Variants in DLG2 observed in about 807,000 individuals in gnomAD.
The protein encoded by DLG2 is discs large MAGUK scaffold protein 2, also known as disks large homolog 2.
DLG2 carries 45 observed loss-of-function variants against 132.5 expected under a neutral mutation model. The observed-to-expected ratio is 0.34, with a 90% CI of 0.27 to 0.44. The LOEUF (loss-of-function observed/expected upper bound fraction) is 0.44. DLG2 is among the 20% of genes least tolerant of loss of function. DLG2 has a pLI of 1.00. For missense variants in DLG2, 1,045 were observed against 1,196.9 expected (o/e 0.87, Z 1.87); for synonymous variants, 424 against 419.6 (o/e 1.01, Z -0.13).
At chr11:83,876,607 C>T (rs763601376) in intron 15 of DLG2, among the ~76,000 whole-genome samples, 1 of 152,040 alleles carries the variant, frequency 6.6e-6, no homozygotes, top group Non-Finnish European at 1.5e-5. Flanking sequence ...TAGGAGTCCT[C>T]TAAGGTAGAT....
chr11:85,587,911 A>C (rs1359876515), intron 3 of DLG2, among the ~76,000 whole-genome samples: 1 of 152,114 alleles, frequency 6.6e-6, no homozygotes, highest in Non-Finnish European at 1.5e-5. Context: ...TTCACTCAAC[A>C]TTTGTTTGTC....
rs191787429 is a variant in DLG2, at chr11:84,666,306, A to G, written c.358-131575T>C. Among the ~76,000 whole-genome samples, 193 of 152,280 alleles carry G rather than the reference A, an allele frequency of 1.3e-3. 1 individual carries two copies. The highest frequency in any genetic ancestry group is 4.5e-3 in the African/African-American group (185 of 41,568). ...TCTCAAAGTAAAAGAGAATTCTCCT[A>G]TCTAATAGCCTTCGAACTGGAACAT... On this transcript the variant is annotated intron_variant, in intron 6 of 27. Transcript: ENST00000376104.
intron 7 of DLG2, among the ~76,000 whole-genome samples, chr11:84,425,862 T>C (rs1315496665): frequency 2.6e-5 from 4 of 152,104 alleles, no homozygotes; most frequent in Admixed American, 2.6e-4. Context: ...CCAAAGTGAC[T>C]CCATTCAATT....
At chr11:85,154,128 T>C (rs2077436813) in intron 5 of DLG2, among the ~76,000 whole-genome samples, 1 of 141,706 alleles carries the variant, frequency 7.1e-6, no homozygotes. Flanking sequence ...CCCTCTCTTC[T>C]TTTGGAGAAA....
intron 6 of DLG2, among the ~76,000 whole-genome samples, chr11:85,056,585 A>T (rs138791160): frequency 1.0e-3 from 156 of 152,162 alleles, no homozygotes; most frequent in Middle Eastern, 6.8e-3. Flanking sequence ...CAGAAGCATT[A>T]TATGATGTAT....
intron 19 of DLG2, among the ~76,000 whole-genome samples, chr11:83,629,961 A>G (rs1239643340): frequency 6.6e-6 from 1 of 152,210 alleles, no homozygotes; most frequent in Non-Finnish European, 1.5e-5. Flanking sequence ...AATGCAGGAA[A>G]TACACAATAC....
At chr11:83,834,819 T>C (rs1344319333) in intron 16 of DLG2, among the ~76,000 whole-genome samples, 1 of 152,204 alleles carries the variant, frequency 6.6e-6, no homozygotes, top group East Asian at 1.9e-4. Flanking sequence ...ATTTTCTGTA[T>C]CAGTAGTTTT....
intron 17 of DLG2, among the ~76,000 whole-genome samples, chr11:83,797,195 A>C (rs112948306): frequency 2.6e-5 from 4 of 151,942 alleles, no homozygotes; most frequent in Admixed American, 1.3e-4. Flanking sequence ...GGAGGAACAA[A>C]TGTGAGAAAG....
At chr11:84,967,306 G>T (rs1347272632) in intron 6 of DLG2, among the ~76,000 whole-genome samples, 2 of 152,072 alleles carry the variant, frequency 1.3e-5, no homozygotes, top group Middle Eastern at 3.2e-3. Flanking sequence ...TATGCTGGTT[G>T]CCAGTGAAAA....
At chr11:85,496,786 G>C (rs1024509832) in intron 3 of DLG2, among the ~76,000 whole-genome samples, 1 of 152,072 alleles carries the variant, frequency 6.6e-6, no homozygotes, top group African/African-American at 2.4e-5. Flanking sequence ...AGGCAAACAG[G>C]GTCTGGAGCA....
chr11:85,473,514 G>T (rs767949960), intron 3 of DLG2, among the ~76,000 whole-genome samples: 1 of 152,076 alleles, frequency 6.6e-6, no homozygotes, highest in Non-Finnish European at 1.5e-5. Context: ...CATTGAACAT[G>T]AAGAGACCAG....
At chr11:84,134,146 A>G (rs1288720936) in intron 9 of DLG2, among the ~76,000 whole-genome samples, 1 of 152,046 alleles carries the variant, frequency 6.6e-6, no homozygotes, top group Non-Finnish European at 1.5e-5. Context: ...CAGGGAAGGA[A>G]TGGGGTGACT....
chr11:84,336,458 G>T (rs1329384147), intron 7 of DLG2, among the ~76,000 whole-genome samples: 1 of 152,180 alleles, frequency 6.6e-6, no homozygotes, highest in African/African-American at 2.4e-5. Flanking sequence ...CTCAGGGAAT[G>T]ACTATTGACT....
chr11:85,538,642 G>A (rs540253442), intron 3 of DLG2, among the ~76,000 whole-genome samples: 62 of 151,972 alleles, frequency 4.1e-4, no homozygotes, highest in Admixed American at 2.3e-3. Flanking sequence ...CATATACACC[G>A]TGGAATGCTA....
chr11:83,786,892 A>C, intron 17 of DLG2, 100 bp from the exon 18 acceptor site: 3 of 889,150 alleles, frequency 3.4e-6, no homozygotes, highest in East Asian at 2.6e-5. Flanking sequence ...ACATTATATC[A>C]CATGCCTCAG....
intron 19 of DLG2, among the ~76,000 whole-genome samples, chr11:83,579,655 G>GA (rs1444703504): frequency 6.6e-6 from 1 of 151,678 alleles, no homozygotes; most frequent in African/African-American, 2.4e-5. Context: ...AAATGAATTT[G>GA]AAAAAAAATA....
intron 15 of DLG2, among the ~76,000 whole-genome samples, chr11:83,928,429 C>A (rs939292616): frequency 6.6e-6 from 1 of 151,832 alleles, no homozygotes; most frequent in Admixed American, 6.6e-5. Context: ...AAGGATGCTT[C>A]AAAATCCCCA....
chr11:85,043,387 T>A (rs2062038207), intron 6 of DLG2, among the ~76,000 whole-genome samples: 1 of 151,838 alleles, frequency 6.6e-6, no homozygotes, highest in Admixed American at 6.6e-5. Context: ...TATAAATACA[T>A]ATTGTTTAAA....
intron 7 of DLG2, among the ~76,000 whole-genome samples, chr11:84,300,956 T>A (rs1812178653): frequency 6.6e-6 from 1 of 152,192 alleles, no homozygotes; most frequent in Non-Finnish European, 1.5e-5. Context: ...TTCCAGTATA[T>A]CCCCATTTAT....
Sources: allele counts gnomAD v4.1 joint callset (sites outside exome capture counted in the v4.1 genomes callset), GRCh38; gene constraint gnomAD v4.1.1; transcripts MANE v1.5; gene names NCBI Gene and HGNC (gene_info 2026-07-23, HGNC 2026-07-21).